Variants in C9orf85 observed in about 807,000 individuals in gnomAD.
The protein encoded by C9orf85 is uncharacterized protein C9orf85.
C9orf85 carries 16 observed loss-of-function variants against 14.9 expected under a neutral mutation model. That is an observed-to-expected ratio of 1.08 (90% CI 0.73 to 1.63). The LOEUF is 1.63. Ranked by LOEUF, C9orf85 falls within the 40% of genes most tolerant of loss-of-function variation. C9orf85 has a pLI of 0.00. For synonymous variants in C9orf85, 45 were observed against 56.8 expected, an observed-to-expected ratio of 0.79 and a Z score of 0.93; for missense variants, 172 against 186.1, an observed-to-expected ratio of 0.92 and a Z score of 0.44.
At chr9:71,919,771 C>T (rs1827746542) in intron 1 of C9orf85, among the ~76,000 whole-genome samples, 2 of 152,086 alleles carry the variant, frequency 1.3e-5, no homozygotes, top group South Asian at 4.1e-4. Context: ...AGCATAATTT[C>T]ATCTATGCTT....
In C9orf85 at chr9:71,917,335, G is replaced by A. The variant is rs7852413; in HGVS notation, c.102+5499G>A. 7.6e-3 allele frequency among the ~76,000 whole-genome samples: 1,157 copies of A among 152,272 alleles called. 16 individuals carry two copies. Among genetic ancestry groups the A allele is most frequent in the African/African-American group, 0.026 (1,084 of 41,546 alleles). The stretch of plus-strand genomic sequence containing the variant: ...GCCATACATGTGGGCTGGTTGGGGT[G>A]GATCTCATCTCATCAGCCTGGGCTC... On this transcript the variant is annotated intron_variant, in intron 1 of 3. Coordinates refer to ENST00000334731, the MANE Select transcript of C9orf85 (RefSeq NM_182505.5).
chr9:71,974,383 G>A (rs1589276415), downstream of C9orf85, among the ~76,000 whole-genome samples: 1 of 151,206 alleles, frequency 6.6e-6, no homozygotes, highest in East Asian at 1.9e-4. Flanking sequence ...AGCGGGGACT[G>A]CAGGCCTGCA....
chr9:71,912,573 T>A (rs1213825887), intron 1 of C9orf85, among the ~76,000 whole-genome samples: 3 of 151,816 alleles, frequency 2.0e-5, no homozygotes, highest in African/African-American at 7.3e-5. Context: ...ATGGCGAAAC[T>A]CCATCTGTAC....
intron 1 of C9orf85, among the ~76,000 whole-genome samples, chr9:71,939,596 G>A (rs148335037): frequency 5.9e-5 from 9 of 152,148 alleles, no homozygotes; most frequent in Admixed American, 5.2e-4. Flanking sequence ...TTTTGTTGTT[G>A]TTGAAATCAA....
At position 71,948,816 on chromosome 9, in the gene C9orf85, C is replaced by T. The variant is rs912826992; in HGVS notation, c.209+1704C>T. ...TGGGATTACAGGCGTGAGCCACGCC[C>T]CCCCCCCCCCCTTTAAATAGTTTTA... On this transcript the variant is annotated intron_variant, in intron 2 of 3. Transcript: ENST00000334731. Among the ~76,000 whole-genome samples the T allele has an allele frequency of 9.9e-5, 10 of 100,958 alleles. 1 individual carries two copies. In the South Asian group the frequency reaches 1.8e-3, roughly 18 times the overall value. The allele number at this position is 100,958 out of a possible 152,430, so 66.2% of individuals were successfully genotyped here.
intron 2 of C9orf85, among the ~76,000 whole-genome samples, chr9:71,948,148 T>A (rs1157910886): frequency 2.0e-5 from 3 of 152,256 alleles, no homozygotes; most frequent in Admixed American, 2.0e-4. Flanking sequence ...ATATAGTAGC[T>A]ATTTAGACTA....
intron 1 of C9orf85, among the ~76,000 whole-genome samples, chr9:71,914,171 T>G (rs1827587187): frequency 6.6e-6 from 1 of 152,214 alleles, no homozygotes; most frequent in African/African-American, 2.4e-5. Context: ...GAAAGCTATT[T>G]GATCTGGTGA....
intron 1 of C9orf85, among the ~76,000 whole-genome samples, chr9:71,928,927 A>G (rs1827998324): frequency 6.6e-6 from 1 of 152,182 alleles, no homozygotes; most frequent in African/African-American, 2.4e-5. Context: ...AATGCTCTCA[A>G]CTGAAGTTAG....
At chr9:71,959,080 A>C (rs550564021) in intron 2 of C9orf85, among the ~76,000 whole-genome samples, 1 of 152,126 alleles carries the variant, frequency 6.6e-6, no homozygotes, top group East Asian at 1.9e-4. Context: ...TTAACCCCAG[A>C]ATTTGAATTC....
intron 1 of C9orf85, among the ~76,000 whole-genome samples, chr9:71,929,826 A>G (rs1828027504): frequency 6.8e-6 from 1 of 146,628 alleles, no homozygotes; most frequent in African/African-American, 2.5e-5. Flanking sequence ...AGCTATAGGA[A>G]CACATGTTCC....
intron 1 of C9orf85, among the ~76,000 whole-genome samples, chr9:71,934,803 G>A (rs566613961): frequency 1.3e-5 from 2 of 152,228 alleles, no homozygotes; most frequent in Admixed American, 6.5e-5. Context: ...CTGGGAGGCA[G>A]AGTATGCAGT....
intron 1 of C9orf85, among the ~76,000 whole-genome samples, chr9:71,941,649 GA>G (rs1212122994): frequency 6.6e-6 from 1 of 152,180 alleles, no homozygotes; most frequent in Admixed American, 6.5e-5. Flanking sequence ...ATACATAGGT[GA>G]AAAGAGAGAT....
At chr9:71,970,562 G>A (rs915807996) in intron 2 of C9orf85, among the ~76,000 whole-genome samples, 3 of 151,780 alleles carry the variant, frequency 2.0e-5, no homozygotes, top group African/African-American at 7.3e-5. Flanking sequence ...ACCTATATAC[G>A]TCTATTCTTA....
At chr9:71,928,318 CAGTT>C (rs751007537) in intron 1 of C9orf85, among the ~76,000 whole-genome samples, 5 of 151,562 alleles carry the variant, frequency 3.3e-5, no homozygotes, top group Admixed American at 6.6e-5. Flanking sequence ...TTGAAGAAAT[CAGTT>C]AGTTAATTTC....
At chr9:71,969,804 G>A (rs1822808702) in intron 2 of C9orf85, among the ~76,000 whole-genome samples, 1 of 151,970 alleles carries the variant, frequency 6.6e-6, no homozygotes, top group South Asian at 2.1e-4. Flanking sequence ...TTTTGTGTGT[G>A]TGAATTCCTC....
At chr9:71,966,814 G>A (rs1055734196) in intron 2 of C9orf85, among the ~76,000 whole-genome samples, 2 of 152,134 alleles carry the variant, frequency 1.3e-5, no homozygotes, top group East Asian at 3.8e-4. Context: ...AGCCCCACAG[G>A]GCCTCTGGTA....
chr9:71,960,692 G>A (rs1398925407), intron 2 of C9orf85, among the ~76,000 whole-genome samples: 1 of 151,734 alleles, frequency 6.6e-6, no homozygotes, highest in Non-Finnish European at 1.5e-5. Flanking sequence ...GAATTCAGGC[G>A]CCTGCCACCA....
chr9:71,981,296 C>T (rs1012961574), intron 3 of C9orf85, among the ~76,000 whole-genome samples: 1 of 152,208 alleles, frequency 6.6e-6, no homozygotes. Context: ...TCCAGTCATA[C>T]AGCATCCTCT....
intron 3 of C9orf85, chr9:71,982,636 T>TTTTTTTTTTTTTTTTTTTTTTTTTTG: frequency 3.0e-6 from 1 of 336,874 alleles, no homozygotes; most frequent in Non-Finnish European, 5.8e-6. Flanking sequence ...ATATTTCTTT[T>TTTTTTTTTTTTTTTTTTTTTTTTTTG]TTTTTTTTTT....
Sources: allele counts gnomAD v4.1 joint callset (sites outside exome capture counted in the v4.1 genomes callset), GRCh38; gene constraint gnomAD v4.1.1; transcripts MANE v1.5; gene names NCBI Gene and HGNC (gene_info 2026-07-23, HGNC 2026-07-21).